The following WDR41 variants were observed in gnomAD, a reference collection of about 807,000 sequenced individuals.
WDR41 encodes the protein WD repeat domain 41.
A neutral mutation model predicts 69.3 loss-of-function variants in WDR41; 63 were observed. The observed-to-expected ratio is 0.91, with a 90% confidence interval of 0.74 to 1.12. The LOEUF is 1.12. WDR41 is among the 50% of genes most tolerant of loss of function. The probability of loss-of-function intolerance (pLI) is 0.00; values close to 1 mark genes in which losing one functional copy is unlikely to be tolerated. For synonymous variants in WDR41, 185 were observed against 192.1 expected (o/e 0.96, Z 0.31); for missense variants, 543 against 534.5 (o/e 1.02, Z -0.16).
intron 2 of WDR41, among the ~76,000 whole-genome samples, chr5:77,485,489 CA>C (rs1190909756): frequency 6.6e-6 from 1 of 152,160 alleles, no homozygotes; most frequent in Non-Finnish European, 1.5e-5. Context: ...CATCATGGGT[CA>C]TCTGATTCCT....
chr5:77,495,525 T>C (rs1801922359), upstream of WDR41, among the ~76,000 whole-genome samples: 1 of 151,862 alleles, frequency 6.6e-6, no homozygotes, highest in Non-Finnish European at 1.5e-5. Flanking sequence ...CTAAAAGATA[T>C]GAATAAATTC....
At chr5:77,488,388 C>T (rs1419697887) in intron 2 of WDR41, among the ~76,000 whole-genome samples, 1 of 151,664 alleles carries the variant, frequency 6.6e-6, no homozygotes, top group East Asian at 1.9e-4. Context: ...ACAGCTTGAG[C>T]CCAGGAGTTG....
intron 1 of WDR41, among the ~76,000 whole-genome samples, chr5:77,566,268 A>G (rs886276568): frequency 2.0e-5 from 3 of 152,142 alleles, no homozygotes; most frequent in African/African-American, 7.2e-5. Context: ...TCTGCCTAGA[A>G]CTAAGCTATT....
chr5:77,565,125 T>C (rs902341931), intron 1 of WDR41, among the ~76,000 whole-genome samples: 2 of 152,222 alleles, frequency 1.3e-5, no homozygotes, highest in Non-Finnish European at 2.9e-5. Context: ...AAACCACAGA[T>C]TCTCAGGCTG....
chr5:77,464,335 T>C (rs1800201201), intron 3 of WDR41, among the ~76,000 whole-genome samples: 1 of 137,674 alleles, frequency 7.3e-6, no homozygotes, highest in African/African-American at 2.8e-5. Context: ...TGGAGTGCAG[T>C]GGCATGTTCT....
chr5:77,486,284 T>G (rs1369545041), intron 2 of WDR41, among the ~76,000 whole-genome samples: 1 of 152,220 alleles, frequency 6.6e-6, no homozygotes, highest in Non-Finnish European at 1.5e-5. Flanking sequence ...GTTGATTATA[T>G]GTAAATTTGA....
intron 3 of WDR41, among the ~76,000 whole-genome samples, 182 bp downstream of exon 3, chr5:77,464,579 C>T (rs964163784): frequency 4.6e-5 from 7 of 152,100 alleles, no homozygotes; most frequent in Non-Finnish European, 1.0e-4. Flanking sequence ...AAAACTTTCC[C>T]TCTTCATTAT....
chr5:77,511,428 T>G (rs1192118480), intron 1 of WDR41, among the ~76,000 whole-genome samples: 1 of 152,226 alleles, frequency 6.6e-6, no homozygotes, highest in Non-Finnish European at 1.5e-5. Context: ...TCATTCATAA[T>G]TATAGTTTTG....
chr5:77,577,380 C>T, intron 1 of WDR41, among the ~76,000 whole-genome samples: 1 of 91,870 alleles, frequency 1.1e-5, no homozygotes, highest in East Asian at 3.3e-4. Flanking sequence ...AAATAGGAAA[C>T]AAGTATCATC....
chr5:77,608,905 G>C (rs1001474161), intron 1 of WDR41, among the ~76,000 whole-genome samples: 1 of 152,232 alleles, frequency 6.6e-6, no homozygotes, highest in African/African-American at 2.4e-5. Flanking sequence ...CCTAGTCAAA[G>C]AAAGGGGTGA....
intron 1 of WDR41, among the ~76,000 whole-genome samples, chr5:77,540,957 C>T (rs1337140476): frequency 2.0e-5 from 3 of 152,016 alleles, no homozygotes; most frequent in Non-Finnish European, 4.4e-5. Flanking sequence ...TTCTAAAACC[C>T]CTACCAGTAC....
At chr5:77,552,258 G>A (rs978340280) in intron 1 of WDR41, among the ~76,000 whole-genome samples, 18 of 151,804 alleles carry the variant, frequency 1.2e-4, no homozygotes, top group East Asian at 7.7e-4. Context: ...GTGAACATGC[G>A]GAAGCTGACA....
intron 1 of WDR41, among the ~76,000 whole-genome samples, chr5:77,595,623 G>A (rs930333943): frequency 1.3e-5 from 2 of 152,186 alleles, no homozygotes; most frequent in Non-Finnish European, 2.9e-5. Context: ...AGATAGGTAA[G>A]CCCAAATGTG....
chr5:77,567,992 CT>C lies in WDR41; in HGVS notation c.42+52486del, dbSNP rs532992321. 1.9e-3 allele frequency among the ~76,000 whole-genome samples: 283 copies of C among 151,224 alleles called. 3 individuals carry two copies. The highest frequency in any genetic ancestry group is 5.9e-3 in the African/African-American group (242 of 41,226). ...TGCCATTGGTTTCATAGCAAGAGAT[CT>C]TTTTTTTTCTTGTTCCACAACCCCC... On this transcript the variant is annotated intron_variant, in intron 1 of 5. Transcript: ENST00000509971.
chr5:77,437,480 T>A, intron 10 of WDR41, 56 bp from the exon 11 acceptor site: 1 of 1,467,830 alleles, frequency 6.8e-7, no homozygotes. Context: ...GGGCCAATGC[T>A]AAATTTGCAG....
chr5:77,537,420 G>T (rs998270985), intron 1 of WDR41, among the ~76,000 whole-genome samples: 1 of 152,222 alleles, frequency 6.6e-6, no homozygotes, highest in African/African-American at 2.4e-5. Context: ...ACATGGCCCA[G>T]AGCCTTTATT....
chr5:77,436,836 G>C (rs1488503088), intron 11 of WDR41, among the ~76,000 whole-genome samples: 1 of 152,164 alleles, frequency 6.6e-6, no homozygotes, highest in African/African-American at 2.4e-5. Flanking sequence ...GATTTCTTGT[G>C]CAAAGGTTGG....
At chr5:77,583,860 A>G (rs1743987251) in intron 1 of WDR41, among the ~76,000 whole-genome samples, 2 of 152,224 alleles carry the variant, frequency 1.3e-5, no homozygotes, top group Non-Finnish European at 2.9e-5. Flanking sequence ...AAAATTCTCA[A>G]CAAAATATTA....
At chr5:77,463,386 A>C (rs982865446) in intron 3 of WDR41, among the ~76,000 whole-genome samples, 160 bp from the exon 4 acceptor site, 7 of 152,198 alleles carry the variant, frequency 4.6e-5, no homozygotes, top group Non-Finnish European at 8.8e-5. Flanking sequence ...AATCTAAACA[A>C]GCACTGAAAG....
Sources: allele counts gnomAD v4.1 joint callset (sites outside exome capture counted in the v4.1 genomes callset), GRCh38; gene constraint gnomAD v4.1.1; transcripts MANE v1.5; gene names NCBI Gene and HGNC (gene_info 2026-07-23, HGNC 2026-07-21).